The following MAP6 variants were observed in gnomAD, a reference collection of about 807,000 sequenced individuals.
MAP6 encodes microtubule-associated protein 6.
MAP6 carries 26 observed loss-of-function variants against 42.4 expected under a neutral mutation model. That is an observed-to-expected ratio of 0.61 (90% CI 0.45 to 0.85). The LOEUF (loss-of-function observed/expected upper bound fraction) is 0.85, where lower values mean the gene tolerates loss of function less well. MAP6 is among the 40% of genes least tolerant of loss of function. The pLI is 0.00. For synonymous variants in MAP6, 418 were observed against 443.8 expected, an observed-to-expected ratio of 0.94 and a Z score of 0.73; for missense variants, 966 against 1,099.0, an observed-to-expected ratio of 0.88 and a Z score of 1.71.
intron 1 of MAP6, among the ~76,000 whole-genome samples, chr11:75,609,479 G>A (rs1942849240): frequency 1.3e-5 from 2 of 152,218 alleles, no homozygotes; most frequent in Admixed American, 6.5e-5. Flanking sequence ...GCAGGAGGCA[G>A]GAGAAAGAGC....
intron 1 of MAP6, among the ~76,000 whole-genome samples, chr11:75,652,373 C>T (rs1943662083): frequency 6.6e-6 from 1 of 152,174 alleles, no homozygotes; most frequent in Non-Finnish European, 1.5e-5. Context: ...GCTCTCCATG[C>T]CCCAGCTGTC....
intron 1 of MAP6, among the ~76,000 whole-genome samples, chr11:75,642,401 T>TA (rs927860613): frequency 6.6e-6 from 1 of 152,186 alleles, no homozygotes; most frequent in Non-Finnish European, 1.5e-5. Flanking sequence ...GTAAATAGCA[T>TA]AAAAAATTGA....
At chr11:75,640,119 T>G (rs986978352) in intron 1 of MAP6, among the ~76,000 whole-genome samples, 2 of 151,790 alleles carry the variant, frequency 1.3e-5, no homozygotes, top group Non-Finnish European at 2.9e-5. Flanking sequence ...GCACTGGGGG[T>G]GGGGAACAGG....
chr11:75,664,696 G>A (rs1943917149), intron 1 of MAP6, among the ~76,000 whole-genome samples: 1 of 152,210 alleles, frequency 6.6e-6, no homozygotes, highest in Non-Finnish European at 1.5e-5. Flanking sequence ...CTTAAATTCA[G>A]AAGATATCCT....
At chr11:75,625,291 GA>G (rs1410130936) in intron 1 of MAP6, among the ~76,000 whole-genome samples, 4 of 152,194 alleles carry the variant, frequency 2.6e-5, no homozygotes, top group African/African-American at 9.7e-5. Flanking sequence ...GCATTCAGCT[GA>G]GCAAACAAAG....
intron 1 of MAP6, among the ~76,000 whole-genome samples, chr11:75,654,604 A>T (rs985657883): frequency 3.9e-5 from 6 of 152,224 alleles, no homozygotes; most frequent in African/African-American, 1.4e-4. Flanking sequence ...TAGCGTAGTG[A>T]TTCATCTGAG....
intron 1 of MAP6, among the ~76,000 whole-genome samples, chr11:75,624,802 C>T (rs1943168837): frequency 6.6e-6 from 1 of 152,226 alleles, no homozygotes; most frequent in South Asian, 2.1e-4. Flanking sequence ...GCTCCAGGCT[C>T]ATATTCCAAT....
At chr11:75,618,829 T>A (rs1252757702) in intron 1 of MAP6, among the ~76,000 whole-genome samples, 1 of 152,192 alleles carries the variant, frequency 6.6e-6, no homozygotes, top group East Asian at 1.9e-4. Flanking sequence ...GTCCTGTGCT[T>A]CCTGATCCAA....
At chr11:75,603,212 G>T in intron 3 of MAP6, 1 of 985,514 alleles carries the variant, frequency 1.0e-6, no homozygotes, top group Non-Finnish European at 1.2e-6. Flanking sequence ...GGGAAACAGC[G>T]GGAAAGCTTC....
chr11:75,638,781 C>A (rs115589597), intron 1 of MAP6, among the ~76,000 whole-genome samples: 2,408 of 152,244 alleles, frequency 0.016, 55 homozygotes, highest in African/African-American at 0.056. Flanking sequence ...AACTATCACG[C>A]AATCCAGCAA....
At chr11:75,657,751 C>T (rs566394677) in intron 1 of MAP6, among the ~76,000 whole-genome samples, 2 of 152,256 alleles carry the variant, frequency 1.3e-5, no homozygotes, top group Non-Finnish European at 2.9e-5. Context: ...TTCCTTGGGA[C>T]GTGTCCTTCC....
chr11:75,634,666 T>TA (rs1330338890), intron 1 of MAP6, among the ~76,000 whole-genome samples: 2 of 152,214 alleles, frequency 1.3e-5, no homozygotes, highest in East Asian at 3.8e-4. Context: ...AGATGGCTCT[T>TA]ATTAGAACTT....
rs1829021000 is a variant in MAP6 at position 75,588,056 on chromosome 11, A to G, written c.1445T>C (p.Leu482Pro). ...TGGGACCACAGAACCTTGCTTCTTCAGAGGCTCTTGCACCATAGGACCTTG... is the reference window on the plus strand; with the variant it reads ...TGGGACCACAGAACCTTGCTTCTTCGGAGGCTCTTGCACCATAGGACCTTG... The part of the protein sequence containing the change: ...KGQGPMVQEP[L>P]KKQGSVVPGP... The change falls in exon 4 of 4, where the codon CTG becomes CCG. Residue 482 changes from leucine to proline, a missense_variant. Around this residue, in one of 2 missense-constraint regions of MAP6, gnomAD observed 943 missense variants for 1,049.9 expected, o/e 0.90. Transcript: ENST00000304771. The G allele has an allele frequency of 1.2e-6, 2 of 1,614,020 alleles. No homozygotes were observed. Among genetic ancestry groups the G allele is most frequent in the East Asian group, 2.2e-5 (1 of 44,870 alleles).
intron 1 of MAP6, chr11:75,642,619 C>T (rs1160091838): frequency 5.3e-6 from 1 of 188,456 alleles, no homozygotes; most frequent in African/African-American, 2.3e-5. Flanking sequence ...ACATCCCATT[C>T]ATCATTGTTT....
At chr11:75,596,866 T>C (rs1300739476) in intron 3 of MAP6, among the ~76,000 whole-genome samples, 1 of 152,228 alleles carries the variant, frequency 6.6e-6, no homozygotes, top group African/African-American at 2.4e-5. Flanking sequence ...TGGAGAGTCA[T>C]TGAACGTTTC....
At chr11:75,619,512 T>A (rs1001069272) in intron 1 of MAP6, among the ~76,000 whole-genome samples, 2 of 152,164 alleles carry the variant, frequency 1.3e-5, no homozygotes, top group Non-Finnish European at 2.9e-5. Context: ...CTTCCCACCT[T>A]CCACCTTCTG....
At chr11:75,635,652 C>T (rs77415004) in intron 1 of MAP6, among the ~76,000 whole-genome samples, 14,738 of 152,314 alleles carry the variant, frequency 0.097, 965 homozygotes, top group Non-Finnish European at 0.15. Flanking sequence ...AGCTGTGACT[C>T]GAGCCTTCTC....
At chr11:75,615,957 C>A (rs1055958697) in intron 1 of MAP6, among the ~76,000 whole-genome samples, 4 of 26,132 alleles carry the variant, frequency 1.5e-4, no homozygotes, top group African/African-American at 6.2e-4. Flanking sequence ...GTGCGCGGGG[C>A]GGCAGGGGGC....
At chr11:75,608,359 C>A in intron 1 of MAP6, 37 bp from the exon 2 acceptor site, 2 of 1,558,918 alleles carry the variant, frequency 1.3e-6, no homozygotes, top group South Asian at 1.1e-5. Context: ...TATGAAGCAT[C>A]ATCTGCCTGG....
Sources: allele counts gnomAD v4.1 joint callset (sites outside exome capture counted in the v4.1 genomes callset), GRCh38; gene constraint gnomAD v4.1.1; regional missense constraint gnomAD v4.1.1; transcripts MANE v1.5; gene names NCBI Gene and HGNC (gene_info 2026-07-23, HGNC 2026-07-21).